CHST8: variants seen among roughly 807,000 people sequenced by gnomAD.
CHST8 encodes the protein GALNAC-4-ST1.
A neutral mutation model predicts 15.0 loss-of-function variants in CHST8; 10 were observed. That is an observed-to-expected ratio of 0.67 (90% CI 0.41 to 1.13). CHST8 has a LOEUF of 1.13. Ranked by LOEUF, CHST8 falls within the 50% of genes most tolerant of loss-of-function variation. The pLI is 0.00. For missense variants in CHST8, 634 were observed against 608.2 expected, an observed-to-expected ratio of 1.04 and a Z score of -0.45; for synonymous variants, 259 against 256.6, an observed-to-expected ratio of 1.01 and a Z score of -0.09.
intron 1 of CHST8, among the ~76,000 whole-genome samples, chr19:33,639,448 G>A (rs1431311083): frequency 6.6e-6 from 1 of 152,168 alleles, no homozygotes; most frequent in Non-Finnish European, 1.5e-5. Context: ...GGGCAGCCTT[G>A]TAACCATAAC....
chr19:33,770,906 GGCCTGGT>G (rs201612043), intron 3 of CHST8, among the ~76,000 whole-genome samples: 1,825 of 152,316 alleles, frequency 0.012, 25 homozygotes, highest in Admixed American at 0.042. Flanking sequence ...TCCATTCCTA[GGCCTGGT>G]GTGTGCAAAG....
At chr19:33,768,795 C>A (rs919454438) in intron 3 of CHST8, among the ~76,000 whole-genome samples, 12 of 152,090 alleles carry the variant, frequency 7.9e-5, no homozygotes, top group African/African-American at 2.9e-4. Context: ...GGGGATAGGT[C>A]TAATCTTTGC....
In CHST8 at chr19:33,655,612, A is replaced by G. The variant is rs186180635; in HGVS notation, c.-163-12155A>G. 9.2e-5 allele frequency among the ~76,000 whole-genome samples: 14 copies of G among 152,210 alleles called. No homozygotes were observed. In the East Asian group the frequency reaches 2.5e-3, roughly 27 times the overall value. ...CATATATTTTCCATTCAGCTTCTCTACTTCTTAAATCAGTTTGTATCACTT... is the reference window on the plus strand; with the variant it reads ...CATATATTTTCCATTCAGCTTCTCTGCTTCTTAAATCAGTTTGTATCACTT... On this transcript the variant is annotated intron_variant, in intron 1 of 4. Transcript: ENST00000650847.
At chr19:33,636,442 G>C (rs983842941) in intron 1 of CHST8, among the ~76,000 whole-genome samples, 1 of 152,172 alleles carries the variant, frequency 6.6e-6, no homozygotes, top group Non-Finnish European at 1.5e-5. Flanking sequence ...ACCACTACGG[G>C]TCCTGGTATG....
At chr19:33,644,035 C>G (rs1181120882) in intron 1 of CHST8, among the ~76,000 whole-genome samples, 3 of 152,172 alleles carry the variant, frequency 2.0e-5, no homozygotes, top group Non-Finnish European at 4.4e-5. Context: ...TGGGTTCAAG[C>G]CATTCTCCTG....
chr19:33,662,200 C>A (rs1312163364), intron 1 of CHST8, among the ~76,000 whole-genome samples: 1 of 152,110 alleles, frequency 6.6e-6, no homozygotes, highest in Non-Finnish European at 1.5e-5. Flanking sequence ...CTCGCATCAG[C>A]CCCCAGTAGC....
At chr19:33,721,406 G>C (rs2145310241) in intron 3 of CHST8, among the ~76,000 whole-genome samples, 1 of 152,330 alleles carries the variant, frequency 6.6e-6, no homozygotes, top group South Asian at 2.1e-4. Flanking sequence ...ACCACAGGGT[G>C]TGCAGGGCCT....
chr19:33,705,633 TGGA>T (rs1973431855), intron 3 of CHST8, among the ~76,000 whole-genome samples: 1 of 152,090 alleles, frequency 6.6e-6, no homozygotes, highest in African/African-American at 2.4e-5. Context: ...TGGGTGTAAA[TGGA>T]GGAGGATTTC....
chr19:33,683,780 G>A (rs1163387973), intron 2 of CHST8, among the ~76,000 whole-genome samples: 1 of 152,206 alleles, frequency 6.6e-6, no homozygotes, highest in Non-Finnish European at 1.5e-5. Context: ...CCGATTCAGA[G>A]GCAGGTGGCA....
chr19:33,769,673 C>T (rs1217999525), intron 3 of CHST8, among the ~76,000 whole-genome samples: 1 of 151,828 alleles, frequency 6.6e-6, no homozygotes, highest in Non-Finnish European at 1.5e-5. Context: ...CAGCTTGATT[C>T]TAAAGACTCC....
intron 1 of CHST8, among the ~76,000 whole-genome samples, chr19:33,666,810 C>A (rs929382661): frequency 3.9e-5 from 6 of 152,160 alleles, no homozygotes; most frequent in African/African-American, 1.4e-4. Context: ...TCAAGCAATT[C>A]CCCTGTCTCA....
intron 3 of CHST8, among the ~76,000 whole-genome samples, chr19:33,708,495 A>G (rs932391206): frequency 6.6e-6 from 1 of 152,198 alleles, no homozygotes; most frequent in African/African-American, 2.4e-5. Context: ...TCTGTTCCCT[A>G]TCGAATTGCC....
At chr19:33,631,727 T>C (rs1972124221) in intron 1 of CHST8, among the ~76,000 whole-genome samples, 1 of 151,990 alleles carries the variant, frequency 6.6e-6, no homozygotes, top group Admixed American at 6.6e-5. Flanking sequence ...CTTCCACGAG[T>C]TAATGTGTCA....
At chr19:33,696,189 T>C (rs761919110) in intron 3 of CHST8, among the ~76,000 whole-genome samples, 8 of 152,142 alleles carry the variant, frequency 5.3e-5, no homozygotes, top group Admixed American at 2.6e-4. Context: ...ATCTTTGCAG[T>C]TGTGAATTGT....
At chr19:33,626,623 A>G (rs1972056889) in intron 1 of CHST8, among the ~76,000 whole-genome samples, 1 of 152,104 alleles carries the variant, frequency 6.6e-6, no homozygotes, top group Admixed American at 6.5e-5. Context: ...AAAAGAGCCT[A>G]GCACCTACCC....
At chr19:33,740,269 T>C (rs1031839389) in intron 3 of CHST8, among the ~76,000 whole-genome samples, 1 of 152,054 alleles carries the variant, frequency 6.6e-6, no homozygotes, top group Non-Finnish European at 1.5e-5. Context: ...GCTCTTAGGG[T>C]GAGAGGGCTC....
At chr19:33,663,855 G>A (rs1972617158) in intron 1 of CHST8, among the ~76,000 whole-genome samples, 1 of 152,116 alleles carries the variant, frequency 6.6e-6, no homozygotes, top group South Asian at 2.1e-4. Context: ...GGGTGAGAGA[G>A]TAAGACTCCA....
chr19:33,752,718 G>A (rs1974445689), intron 3 of CHST8, among the ~76,000 whole-genome samples: 1 of 152,112 alleles, frequency 6.6e-6, no homozygotes, highest in South Asian at 2.1e-4. Flanking sequence ...ATCCAAGACA[G>A]CATATTTTAT....
intron 3 of CHST8, among the ~76,000 whole-genome samples, chr19:33,726,276 A>G (rs1360175646): frequency 6.6e-6 from 1 of 152,190 alleles, no homozygotes; most frequent in Non-Finnish European, 1.5e-5. Flanking sequence ...AAAGGTGAGT[A>G]TCAGCTGGTC....
Sources: allele counts gnomAD v4.1 joint callset (sites outside exome capture counted in the v4.1 genomes callset), GRCh38; gene constraint gnomAD v4.1.1; transcripts MANE v1.5; gene names NCBI Gene and HGNC (gene_info 2026-07-23, HGNC 2026-07-21).